Variants in PAK2 observed in about 807,000 individuals in gnomAD.
PAK2 encodes p21 (RAC1) activated kinase 2.
PAK2 carries 21 observed loss-of-function variants against 65.9 expected under a neutral mutation model. The ratio of observed to expected loss-of-function variants is 0.32; its 90% confidence interval spans 0.23 to 0.46. PAK2 has a LOEUF of 0.46. Ranked by LOEUF, PAK2 falls within the 20% of genes least tolerant of loss-of-function variation. The pLI is 1.00. For missense variants in PAK2, 324 were observed against 642.6 expected (o/e 0.50, Z 5.36); for synonymous variants, 204 against 219.7 (o/e 0.93, Z 0.63).
At position 196,830,705 on chromosome 3, in the gene PAK2, C is replaced by T. The variant is rs1202450087; in HGVS notation, c.*2300C>T. The T allele has an allele frequency of 2.6e-5, 4 of 152,148 alleles. No homozygotes were observed. The highest frequency in any genetic ancestry group is 1.3e-4 in the Admixed American group (2 of 15,264). The allele number at this position is 152,148 out of a possible 1,614,324, so 9.4% of individuals were successfully genotyped here. Reference sequence around the variant, plus strand: ...CCTGGCTCTTTGGTTAAGGGAGCTACGCTGTGGTTTATTCTTAAGTTACGT... The same window carrying T: ...CCTGGCTCTTTGGTTAAGGGAGCTATGCTGTGGTTTATTCTTAAGTTACGT... On this transcript the variant is annotated 3_prime_UTR_variant, in exon 15 of 15. Coordinates refer to ENST00000327134, the MANE Select transcript of PAK2 (RefSeq NM_002577.4).
intron 1 of PAK2, among the ~76,000 whole-genome samples, chr3:196,775,476 G>A (rs1449263600): frequency 1.3e-5 from 2 of 151,962 alleles, no homozygotes; most frequent in East Asian, 1.9e-4. Flanking sequence ...TCCGCCTCCC[G>A]GGTTCAAGCA....
At chr3:196,814,093 T>G (rs778657747) in intron 10 of PAK2, among the ~76,000 whole-genome samples, 1 of 152,182 alleles carries the variant, frequency 6.6e-6, no homozygotes, top group Non-Finnish European at 1.5e-5. Flanking sequence ...TTCTGTCACT[T>G]CCTATTAATA....
chr3:196,751,041 C>G (rs2108710322), intron 1 of PAK2, among the ~76,000 whole-genome samples: 1 of 152,210 alleles, frequency 6.6e-6, no homozygotes, highest in Non-Finnish European at 1.5e-5. Context: ...CTCCTCATTC[C>G]CTACCTCCAG....
At chr3:196,804,933 T>C (rs1489164174) in intron 4 of PAK2, among the ~76,000 whole-genome samples, 1 of 152,034 alleles carries the variant, frequency 6.6e-6, no homozygotes, top group African/African-American at 2.4e-5. Flanking sequence ...AATTTTACTT[T>C]GCACAATTGT....
At chr3:196,813,024 G>A (rs770951583) in intron 10 of PAK2, among the ~76,000 whole-genome samples, 173 bp downstream of exon 10, 1 of 151,990 alleles carries the variant, frequency 6.6e-6, no homozygotes, top group Admixed American at 6.6e-5. Context: ...GTCCTTCTCT[G>A]CAAGGACATC....
intron 7 of PAK2, chr3:196,808,143 C>T (rs1715646438): frequency 2.9e-6 from 1 of 350,484 alleles, no homozygotes; most frequent in East Asian, 5.8e-5. Context: ...CATGGTGAAA[C>T]CCCGTCTCTA....
chr3:196,799,849 T>C (rs1159814952), intron 2 of PAK2, among the ~76,000 whole-genome samples: 1 of 152,162 alleles, frequency 6.6e-6, no homozygotes, highest in Non-Finnish European at 1.5e-5. Context: ...CCTGGCCTTA[T>C]GTGATCTGCC....
intron 2 of PAK2, among the ~76,000 whole-genome samples, chr3:196,783,260 C>T (rs1451401867): frequency 6.6e-6 from 1 of 152,114 alleles, no homozygotes; most frequent in East Asian, 1.9e-4. Flanking sequence ...TTCTATAATG[C>T]CCTCAGAAGT....
At position 196,812,249 on chromosome 3, in the gene PAK2, C is replaced by T. The variant is rs775082676; in HGVS notation, c.804C>T (p.Asp268=). 15 of 1,589,094 alleles carry T rather than the reference C, an allele frequency of 9.4e-6. No individual in the cohort carries two copies. The highest frequency in any genetic ancestry group is 7.7e-5 in the South Asian group (7 of 90,552). The change falls in exon 9 of 15, where the codon GAC becomes GAT. Residue 268 remains aspartate (D), a synonymous_variant. Coordinates refer to ENST00000327134, the MANE Select transcript of PAK2 (RefSeq NM_002577.4). ...CTGGTACAGTTTTCACTGCTACTGA[C>T]GTTGCACTGGGACAGGAGGTAGTTA... ...GASGTVFTAT[D]VALGQEVAIK...
intron 2 of PAK2, among the ~76,000 whole-genome samples, chr3:196,790,031 C>G (rs1715019608): frequency 6.6e-6 from 1 of 152,208 alleles, no homozygotes; most frequent in Non-Finnish European, 1.5e-5. Flanking sequence ...TGGACCTGTA[C>G]TGGTCCACGG....
intron 13 of PAK2, among the ~76,000 whole-genome samples, chr3:196,826,466 C>G (rs1350783215): frequency 6.6e-6 from 1 of 151,934 alleles, no homozygotes; most frequent in Non-Finnish European, 1.5e-5. Flanking sequence ...GCCACCATGC[C>G]CGGCCTTGGT....
chr3:196,803,001 A>G lies in PAK2; in HGVS notation c.289-16A>G. The G allele has an allele frequency of 6.6e-7, 1 of 1,522,334 alleles. No individual in the cohort carries two copies. The highest frequency in any genetic ancestry group is 8.8e-7 in the Non-Finnish European group (1 of 1,134,932). The allele number at this position is 1,522,334 out of a possible 1,614,324, so 94.3% of individuals were successfully genotyped here. A position where few individuals can be genotyped will look rare whatever the true frequency, so the allele number is the denominator to read the frequency against. ...CAATTTAAACCATAACTAATTTCTGAATATCTTCTTGTTAGGGCATGCCAG... is the reference window on the plus strand; with the variant it reads ...CAATTTAAACCATAACTAATTTCTGGATATCTTCTTGTTAGGGCATGCCAG... On this transcript the variant is annotated splice_polypyrimidine_tract_variant and intron_variant, in intron 3 of 14. Coordinates refer to ENST00000327134, the MANE Select transcript of PAK2 (RefSeq NM_002577.4).
At chr3:196,741,541 C>T (rs1713193603) in intron 1 of PAK2, among the ~76,000 whole-genome samples, 1 of 152,172 alleles carries the variant, frequency 6.6e-6, no homozygotes, top group Non-Finnish European at 1.5e-5. Context: ...CATTGATTGA[C>T]ACTTATTACG....
Sources: gnomAD v4.1 joint callset for allele counts (sites outside exome capture counted in the v4.1 genomes callset) on GRCh38, gnomAD v4.1.1 for gene constraint, MANE v1.5 for transcripts, NCBI Gene and HGNC (gene_info 2026-07-23, HGNC 2026-07-21) for gene names.